Variants in LLGL2 observed in about 807,000 individuals in gnomAD.
The protein encoded by LLGL2 is LLGL scribble cell polarity complex component 2, also known as LLGL2, scribble cell polarity complex component.
Under a neutral mutation model 123.2 loss-of-function variants are expected in LLGL2, and 81 were observed. That is an observed-to-expected ratio of 0.66 (90% confidence interval 0.55 to 0.79). The LOEUF (loss-of-function observed/expected upper bound fraction) is 0.79, where lower values mean the gene tolerates loss of function less well. Ranked by LOEUF, LLGL2 falls within the 30% of genes least tolerant of loss-of-function variation. The pLI is 0.00. For synonymous variants in LLGL2, 577 were observed against 594.1 expected (o/e 0.97, Z 0.42); for missense variants, 1,273 against 1,414.6 (o/e 0.90, Z 1.61).
chr17:75,530,979 C>T (rs944665413), intron 1 of LLGL2, among the ~76,000 whole-genome samples: 23 of 152,116 alleles, frequency 1.5e-4, no homozygotes, highest in Admixed American at 5.2e-4. Flanking sequence ...AGCCGGTTGC[C>T]TGGGAGTCTT....
At chr17:75,562,637 C>T (rs773786152) in intron 6 of LLGL2, 7 of 244,600 alleles carry the variant, frequency 2.9e-5, no homozygotes, top group Middle Eastern at 1.6e-3. Context: ...GGCACGATCT[C>T]GGCTCACTGC....
intron 1 of LLGL2, among the ~76,000 whole-genome samples, chr17:75,532,108 TCTTA>T (rs2053819767): frequency 7.5e-6 from 1 of 133,676 alleles, no homozygotes; most frequent in Non-Finnish European, 1.6e-5. Flanking sequence ...TGAGACGGAG[TCTTA>T]CTCTGTGGCC....
chr17:75,574,720 G>T lies in LLGL2; in HGVS notation c.3055+52G>T, dbSNP rs1009592467. The T allele has an allele frequency of 7.5e-6, 12 of 1,601,848 alleles. No homozygotes were observed. The African/African-American group carries it at 1.5e-4, about 20-fold the overall frequency. ...TGCCAACCGTGCTGGGAAGGGCTGG[G>T]AGGAAGAGCCCCGGCCCCACTCCCC... On this transcript the variant is annotated intron_variant, in intron 25 of 25. Coordinates refer to ENST00000392550, the MANE Select transcript of LLGL2 (RefSeq NM_001031803.2).
At chr17:75,538,080 G>A (rs1206475600) in intron 1 of LLGL2, among the ~76,000 whole-genome samples, 1 of 152,180 alleles carries the variant, frequency 6.6e-6, no homozygotes, top group East Asian at 1.9e-4. Flanking sequence ...CAAACTGCTG[G>A]GATTACAGGC....
chr17:75,540,593 G>A (rs1040863459), intron 1 of LLGL2, among the ~76,000 whole-genome samples: 1 of 152,222 alleles, frequency 6.6e-6, no homozygotes, highest in African/African-American at 2.4e-5. Context: ...ATCTGGGAGC[G>A]TGTCTGTGCG....
chr17:75,545,593 C>T (rs2054388918), intron 2 of LLGL2, among the ~76,000 whole-genome samples: 1 of 152,124 alleles, frequency 6.6e-6, no homozygotes, highest in Non-Finnish European at 1.5e-5. Context: ...TGCCCTGCCC[C>T]TCCCCAGCCC....
chr17:75,574,085 G>A, intron 22 of LLGL2, 105 bp downstream of exon 22: 1 of 1,548,390 alleles, frequency 6.5e-7, no homozygotes, highest in Non-Finnish European at 8.7e-7. Context: ...TGTTTGGGCT[G>A]GGAATAGAGA....
At chr17:75,548,403 A>G (rs62088556) in intron 2 of LLGL2, among the ~76,000 whole-genome samples, 73,687 of 150,538 alleles carry the variant, frequency 0.49, 18,840 homozygotes, top group African/African-American at 0.62. Flanking sequence ...TCAGCCTCCC[A>G]CATAGCTGGG....
chr17:75,530,958 C>G (rs1357675361), intron 1 of LLGL2, among the ~76,000 whole-genome samples: 1 of 152,214 alleles, frequency 6.6e-6, no homozygotes, highest in African/African-American at 2.4e-5. Context: ...CTTGGGAGGG[C>G]CAAGAGTGAG....
At chr17:75,569,396 C>A in intron 14 of LLGL2, 71 bp downstream of exon 14, 2 of 1,241,202 alleles carry the variant, frequency 1.6e-6, no homozygotes, top group East Asian at 2.3e-5. Context: ...GGGACAGGAG[C>A]CAACCACCTG....
intron 3 of LLGL2, among the ~76,000 whole-genome samples, chr17:75,557,033 A>ATTTTTTTTTTTTTTT (rs1472803473): frequency 1.3e-5 from 1 of 79,732 alleles, no homozygotes; most frequent in African/African-American, 4.5e-5. Flanking sequence ...TGTCTCAAAA[A>ATTTTTTTTTTTTTTT]CTTTTTTTTT....
intron 1 of LLGL2, among the ~76,000 whole-genome samples, chr17:75,541,437 C>A (rs968831416): frequency 1.3e-5 from 2 of 152,194 alleles, no homozygotes; most frequent in Non-Finnish European, 2.9e-5. Context: ...TTCCAGAAGC[C>A]CTTGGGGCTT....
chr17:75,556,150 T>G lies in LLGL2; in HGVS notation c.173+7T>G. ...GTTCTGGAGCCATCAAGCTGTATCC[T>G]CCGTCCCCTCGCTCCCACTCGGGCA... On this transcript the variant is annotated splice_region_variant and intron_variant, in intron 3 of 25. Transcript: ENST00000392550. 2 of 1,605,360 alleles carry G rather than the reference T, an allele frequency of 1.2e-6. No homozygotes were observed. The highest frequency in any genetic ancestry group is 1.7e-6 in the Non-Finnish European group (2 of 1,176,764).
At chr17:75,573,812 C>A in intron 21 of LLGL2, 140 bp from the exon 22 acceptor site, 1 of 1,234,426 alleles carries the variant, frequency 8.1e-7, no homozygotes, top group Non-Finnish European at 1.2e-6. Flanking sequence ...GCTGGCAGTC[C>A]AGGGCAGGAC....
At chr17:75,569,408 C>A in intron 14 of LLGL2, 83 bp downstream of exon 14, 1 of 1,124,300 alleles carries the variant, frequency 8.9e-7, no homozygotes. Flanking sequence ...AACCACCTGC[C>A]TAACGCACAT....
chr17:75,543,411 C>T lies in LLGL2; in HGVS notation c.-16C>T, dbSNP rs202192830. 288 of 1,602,424 alleles carry T rather than the reference C, an allele frequency of 1.8e-4. No individual in the cohort carries two copies. The African/African-American group carries it at 3.6e-3, about 20-fold the overall frequency. On this transcript the variant is annotated 5_prime_UTR_variant, in exon 2 of 26. Coordinates refer to ENST00000392550, the MANE Select transcript of LLGL2 (RefSeq NM_001031803.2). ...TGTTTCTCCAGGTCTCCAGTGGGGGCTGCAGACTAAGCAAAATGAGGCGGT... is the reference window on the plus strand; with the variant it reads ...TGTTTCTCCAGGTCTCCAGTGGGGGTTGCAGACTAAGCAAAATGAGGCGGT...
chr17:75,563,658 G>A lies in LLGL2; in HGVS notation c.827-94G>A, dbSNP rs191378477. On this transcript the variant is annotated intron_variant, in intron 8 of 25. Coordinates refer to ENST00000392550, the MANE Select transcript of LLGL2 (RefSeq NM_001031803.2). ...ATTCCCAAGCACAGGTCTACCATGT[G>A]GATGTGGCATGAGCTAGAGGGATCT... 1,514 of 1,512,556 alleles carry A rather than the reference G, an allele frequency of 1.0e-3. 7 individuals are homozygous for A. The Middle Eastern group carries it at 0.027, about 27-fold the overall frequency. The allele number at this position is 1,512,556 out of a possible 1,614,324, so 93.7% of individuals were successfully genotyped here.
chr17:75,555,901 G>A, intron 2 of LLGL2, 145 bp from the exon 3 acceptor site: 1 of 631,634 alleles, frequency 1.6e-6, no homozygotes, highest in Non-Finnish European at 2.8e-6. Flanking sequence ...TATGGGTTAG[G>A]CTCCAACACT....
Position 75,558,050 on chromosome 17 carries a change from C to T in LLGL2, c.174-105C>T. 1.8e-6 allele frequency: 2 copies of T among 1,095,848 alleles called. No homozygotes were observed. The highest frequency in any genetic ancestry group is 2.8e-6 in the Non-Finnish European group (2 of 712,664). 67.9% of individuals were successfully genotyped at this position (1,095,848 alleles called of 1,614,324 possible). ...CCTGCTGCCTCGGGGGAGGGCAGCC[C>T]CTCTCTGTGTTTGCATCATTGCACA... On this transcript the variant is annotated intron_variant, in intron 3 of 25. Transcript: ENST00000392550. The surrounding 1 kb of genome is among the most constrained non-coding windows in gnomAD (Gnocchi z 4.0).
Sources: allele counts gnomAD v4.1 joint callset (sites outside exome capture counted in the v4.1 genomes callset), GRCh38; gene constraint gnomAD v4.1.1; non-coding constraint Gnocchi (gnomAD v3.1); transcripts MANE v1.5; gene names NCBI Gene and HGNC (gene_info 2026-07-23, HGNC 2026-07-21).